SLC24A2: variants seen among roughly 807,000 people sequenced by gnomAD.
SLC24A2 encodes solute carrier family 24 member 2.
SLC24A2 carries 36 observed loss-of-function variants against 62.0 expected under a neutral mutation model. That is an observed-to-expected ratio of 0.58 (90% confidence interval 0.44 to 0.77). The LOEUF is 0.77. SLC24A2 is among the 30% of genes least tolerant of loss of function. SLC24A2 has a pLI of 0.00. For missense variants in SLC24A2, 846 were observed against 817.9 expected, an observed-to-expected ratio of 1.03 and a Z score of -0.42; for synonymous variants, 358 against 294.0, an observed-to-expected ratio of 1.22 and a Z score of -2.23.
intron 2 of SLC24A2, among the ~76,000 whole-genome samples, chr9:19,731,154 A>G (rs2118708322): frequency 6.6e-6 from 1 of 152,330 alleles, no homozygotes; most frequent in East Asian, 1.9e-4. Flanking sequence ...AGCCCCAAAT[A>G]AACTTTAGAA....
chr9:19,650,822 A>AGTGTGTGTGTGTGTGTGTGTGTGTGTGT (rs61576823), intron 2 of SLC24A2, among the ~76,000 whole-genome samples: 9 of 149,192 alleles, frequency 6.0e-5, no homozygotes, highest in Middle Eastern at 3.4e-3. Flanking sequence ...ATCAGCTTCT[A>AGTGTGTGTGTGTGTGTGTGTGTGTGTGT]GTGTGTGTGT....
chr9:19,555,351 G>C (rs1352622111), intron 7 of SLC24A2, among the ~76,000 whole-genome samples: 2 of 152,142 alleles, frequency 1.3e-5, no homozygotes, highest in African/African-American at 2.4e-5. Flanking sequence ...GAAATACTAT[G>C]AGTCATGTAA....
rs1271447008 is a variant in SLC24A2 at position 19,509,945 on chromosome 9, A to T, written c.*6208T>A. On this transcript the variant is annotated 3_prime_UTR_variant, in exon 11 of 11. Transcript: ENST00000341998. ...CCTATCCAACCTACCACACAAAAGG[A>T]TATAAACACACTGCAGTACTGGTTA... 2 of 152,210 alleles carry T rather than the reference A, an allele frequency of 1.3e-5. No individual in the cohort carries two copies. The highest frequency in any genetic ancestry group is 2.9e-5 in the Non-Finnish European group (2 of 68,036). The allele number at this position is 152,210 out of a possible 1,614,324, so 9.4% of individuals were successfully genotyped here.
intron 2 of SLC24A2, among the ~76,000 whole-genome samples, chr9:19,679,704 T>G (rs921968677): frequency 1.3e-5 from 2 of 152,156 alleles, no homozygotes; most frequent in Admixed American, 1.3e-4. Context: ...TGCTCCTGGT[T>G]CTTGGGCCTT....
At chr9:19,694,437 C>T (rs552814182) in intron 2 of SLC24A2, among the ~76,000 whole-genome samples, 1 of 151,990 alleles carries the variant, frequency 6.6e-6, no homozygotes, top group South Asian at 2.1e-4. Flanking sequence ...ATATTTTTTT[C>T]TAAAATTCTA....
the SLC24A2 span, among the ~76,000 whole-genome samples, chr9:20,055,788 C>T: frequency 6.6e-6 from 1 of 152,096 alleles, no homozygotes; most frequent in Admixed American, 6.5e-5. Flanking sequence ...CTTAGGGAGG[C>T]TGAGGCAGGA....
At chr9:19,906,754 T>C in the SLC24A2 span, among the ~76,000 whole-genome samples, 1 of 151,102 alleles carries the variant, frequency 6.6e-6, no homozygotes, top group Non-Finnish European at 1.5e-5. Flanking sequence ...CCTCGACATA[T>C]ACCCTCCCAA....
the SLC24A2 span, among the ~76,000 whole-genome samples, chr9:20,145,631 AAT>A: frequency 1.1e-4 from 17 of 150,620 alleles, 1 homozygote; most frequent in South Asian, 6.3e-4. Context: ...GCACGTGTGC[AAT>A]TACACATATA....
the SLC24A2 span, among the ~76,000 whole-genome samples, chr9:20,091,020 A>ATG: frequency 2.0e-5 from 3 of 152,166 alleles, no homozygotes; most frequent in Admixed American, 2.0e-4. Flanking sequence ...AACTGATCTG[A>ATG]CAGAGATGAA....
the SLC24A2 span, among the ~76,000 whole-genome samples, chr9:19,863,677 A>G: frequency 7.1e-6 from 1 of 140,210 alleles, no homozygotes; most frequent in Non-Finnish European, 1.6e-5. Flanking sequence ...TAACAGAAAC[A>G]CAACTTACCA....
the SLC24A2 span, among the ~76,000 whole-genome samples, chr9:20,302,988 G>T: frequency 6.6e-6 from 1 of 152,082 alleles, no homozygotes; most frequent in Admixed American, 6.6e-5. Context: ...TCTCAATCTT[G>T]TTAGAGTATC....
At chr9:19,731,328 ATGTT>A (rs1467429075) in intron 2 of SLC24A2, among the ~76,000 whole-genome samples, 1 of 152,194 alleles carries the variant, frequency 6.6e-6, no homozygotes, top group African/African-American at 2.4e-5. Flanking sequence ...TATGGACTGA[ATGTT>A]TGTGTACCAA....
chr9:19,562,944 A>AG (rs779282335), intron 7 of SLC24A2, among the ~76,000 whole-genome samples: 2 of 152,136 alleles, frequency 1.3e-5, no homozygotes, highest in Non-Finnish European at 2.9e-5. Context: ...TTTCTACAAA[A>AG]GATTTTAAAA....
the SLC24A2 span, among the ~76,000 whole-genome samples, chr9:20,005,129 T>C: frequency 6.6e-6 from 1 of 152,152 alleles, no homozygotes; most frequent in African/African-American, 2.4e-5. Flanking sequence ...TAGAGAAAAG[T>C]GTCTTTAATT....
At chr9:19,829,327 C>G in the SLC24A2 span, among the ~76,000 whole-genome samples, 1 of 152,072 alleles carries the variant, frequency 6.6e-6, no homozygotes, top group Non-Finnish European at 1.5e-5. Flanking sequence ...TAGCTTCCCC[C>G]ACTCAGAGGT....
At chr9:19,854,530 T>G in the SLC24A2 span, among the ~76,000 whole-genome samples, 1 of 152,218 alleles carries the variant, frequency 6.6e-6, no homozygotes, top group Non-Finnish European at 1.5e-5. Flanking sequence ...ACTTCTTGAT[T>G]TCTGCCTTAA....
chr9:20,177,697 G>A, the SLC24A2 span, among the ~76,000 whole-genome samples: 1 of 152,042 alleles, frequency 6.6e-6, no homozygotes, highest in African/African-American at 2.4e-5. Context: ...TAAAATATAA[G>A]TAGATTAAAT....
the SLC24A2 span, among the ~76,000 whole-genome samples, chr9:20,296,626 T>C: frequency 0.012 from 1,894 of 152,354 alleles, 23 homozygotes; most frequent in African/African-American, 0.041. Flanking sequence ...ATATGATTTC[T>C]TGAAGTCCCA....
At chr9:19,883,840 T>C in the SLC24A2 span, among the ~76,000 whole-genome samples, 2 of 152,176 alleles carry the variant, frequency 1.3e-5, no homozygotes, top group African/African-American at 4.8e-5. Flanking sequence ...TACACTGTTT[T>C]AGATGTATCT....
Sources: gnomAD v4.1 joint callset for allele counts (sites outside exome capture counted in the v4.1 genomes callset) on GRCh38, gnomAD v4.1.1 for gene constraint, MANE v1.5 for transcripts, NCBI Gene and HGNC (gene_info 2026-07-23, HGNC 2026-07-21) for gene names.